Variants in RNF11 observed in about 807,000 individuals in gnomAD.
RNF11 encodes the protein ring finger protein 11.
RNF11 carries 4 observed loss-of-function variants against 15.8 expected under a neutral mutation model. The ratio of observed to expected loss-of-function variants is 0.25; its 90% CI spans 0.12 to 0.58. The LOEUF is 0.58. RNF11 is among the 20% of genes least tolerant of loss of function. The probability of loss-of-function intolerance (pLI) is 0.91; values close to 1 mark genes in which losing one functional copy is unlikely to be tolerated. For missense variants in RNF11, 139 were observed against 194.4 expected (o/e 0.71, Z 1.70); for synonymous variants, 68 against 72.3 (o/e 0.94, Z 0.30).
chr1:51,249,184 G>A (rs1646866234), intron 1 of RNF11, among the ~76,000 whole-genome samples: 1 of 151,746 alleles, frequency 6.6e-6, no homozygotes, highest in African/African-American at 2.4e-5. Flanking sequence ...GTAAAAGTAT[G>A]TGTGTGTAAA....
intron 1 of RNF11, among the ~76,000 whole-genome samples, chr1:51,254,849 T>C (rs538865289): frequency 2.4e-4 from 37 of 152,338 alleles, no homozygotes; most frequent in African/African-American, 8.9e-4. Flanking sequence ...CTTAAAGTGC[T>C]GGGATTACAG....
chr1:51,259,850 T>G (rs773685150), intron 1 of RNF11, among the ~76,000 whole-genome samples: 15 of 152,234 alleles, frequency 9.9e-5, no homozygotes, highest in Non-Finnish European at 2.2e-4. Context: ...AAATAGCGTA[T>G]GTAGGAGAAG....
intron 1 of RNF11, among the ~76,000 whole-genome samples, chr1:51,259,693 CA>C (rs1333475706): frequency 6.6e-6 from 1 of 152,150 alleles, no homozygotes; most frequent in Non-Finnish European, 1.5e-5. Flanking sequence ...ACCACTGGAA[CA>C]AATCTTTTTA....
chr1:51,241,414 TA>T (rs1646828731), intron 1 of RNF11, among the ~76,000 whole-genome samples: 1 of 152,336 alleles, frequency 6.6e-6, no homozygotes, highest in African/African-American at 2.4e-5. Context: ...TAGCTGGGAC[TA>T]CAGGGTTACA....
chr1:51,239,640 T>C (rs1232721632), intron 1 of RNF11, among the ~76,000 whole-genome samples: 1 of 152,200 alleles, frequency 6.6e-6, no homozygotes, highest in Non-Finnish European at 1.5e-5. Context: ...AGCCTCAAAC[T>C]CCTGGCTTCA....
chr1:51,250,879 C>T, intron 1 of RNF11: 6 of 1,058,122 alleles, frequency 5.7e-6, no homozygotes, highest in Non-Finnish European at 8.6e-6. Flanking sequence ...ATGCCAGTGC[C>T]CCTGGGTACA....
At chr1:51,247,200 G>A (rs984403425) in intron 1 of RNF11, among the ~76,000 whole-genome samples, 2 of 151,974 alleles carry the variant, frequency 1.3e-5, no homozygotes, top group African/African-American at 4.8e-5. Context: ...GATAGCCACA[G>A]TGTGTAGTTA....
At chr1:51,255,757 T>C (rs78413201) in intron 1 of RNF11, among the ~76,000 whole-genome samples, 3,206 of 152,344 alleles carry the variant, frequency 0.021, 95 homozygotes, top group African/African-American at 0.065. Context: ...ATTATCTTGG[T>C]ATTCTTGCCA....
Position 51,272,612 on chromosome 1 carries a change from A to C in RNF11, c.*1290A>C, listed in dbSNP as rs907789423. 2 of 152,436 alleles carry C rather than the reference A, an allele frequency of 1.3e-5. No individual in the cohort carries two copies. The highest frequency in any genetic ancestry group is 2.9e-5 in the Non-Finnish European group (2 of 68,008). The allele number at this position is 152,436 out of a possible 1,614,324, so 9.4% of individuals were successfully genotyped here. Reference sequence around the variant, plus strand: ...AGCTTCTGAAGTGTTAGAGGTAGAGATGGTCTAGTAAAGATGTAGTAGTAA... The same window carrying C: ...AGCTTCTGAAGTGTTAGAGGTAGAGCTGGTCTAGTAAAGATGTAGTAGTAA... On this transcript the variant is annotated 3_prime_UTR_variant, in exon 3 of 3. Coordinates refer to ENST00000242719, the MANE Select transcript of RNF11 (RefSeq NM_014372.5).
At chr1:51,251,441 C>T (rs1314963864) in intron 1 of RNF11, 17 of 712,452 alleles carry the variant, frequency 2.4e-5, no homozygotes, top group East Asian at 3.0e-5. Context: ...GGCCTCCGGG[C>T]CCCCCCCCGC....
intron 1 of RNF11, among the ~76,000 whole-genome samples, chr1:51,253,897 G>A (rs1646892368): frequency 6.6e-6 from 1 of 152,002 alleles, no homozygotes; most frequent in African/African-American, 2.4e-5. Flanking sequence ...ACTTTGGGAT[G>A]TGGAGGCGGG....
intron 1 of RNF11, chr1:51,250,516 G>A (rs1646872382): frequency 3.7e-6 from 2 of 545,496 alleles, no homozygotes; most frequent in Admixed American, 3.5e-5. Context: ...GTTTACACAA[G>A]TATGTTGGAA....
chr1:51,257,355 G>C (rs915466175), intron 1 of RNF11, among the ~76,000 whole-genome samples: 1 of 152,212 alleles, frequency 6.6e-6, no homozygotes, highest in Non-Finnish European at 1.5e-5. Flanking sequence ...GTGAGGACCT[G>C]GTAGAGGTTT....
At chr1:51,251,477 T>G (rs1025560818) in intron 1 of RNF11, 1 of 618,786 alleles carries the variant, frequency 1.6e-6, no homozygotes, top group Non-Finnish European at 2.8e-6. Flanking sequence ...CACCATTTGG[T>G]GTTTTCTCGG....
chr1:51,247,485 T>C (rs1482730531), intron 1 of RNF11, among the ~76,000 whole-genome samples: 4 of 151,718 alleles, frequency 2.6e-5, no homozygotes, highest in Non-Finnish European at 4.4e-5. Flanking sequence ...AGTGTCTCAT[T>C]ATGTTGGCCA....
At chr1:51,257,504 G>A (rs931509184) in intron 1 of RNF11, among the ~76,000 whole-genome samples, 27 of 152,032 alleles carry the variant, frequency 1.8e-4, no homozygotes, top group African/African-American at 5.1e-4. Context: ...GACCAGAATG[G>A]AATACAATGG....
At chr1:51,251,441 C>CG (rs1646877837) in intron 1 of RNF11, 3 of 712,452 alleles carry the variant, frequency 4.2e-6, no homozygotes, top group Non-Finnish European at 6.6e-6. Context: ...GGCCTCCGGG[C>CG]CCCCCCCCGC....
intron 1 of RNF11, among the ~76,000 whole-genome samples, chr1:51,242,799 C>T (rs148665713): frequency 6.6e-6 from 1 of 152,114 alleles, no homozygotes; most frequent in East Asian, 1.9e-4. Context: ...TGATAACTTA[C>T]GAAGTTAAAT....
chr1:51,265,489 C>T (rs1400121376), intron 1 of RNF11, among the ~76,000 whole-genome samples: 2 of 152,236 alleles, frequency 1.3e-5, no homozygotes, highest in African/African-American at 2.4e-5. Context: ...CAGATGATTT[C>T]CTTTGGATTC....
Sources: gnomAD v4.1 joint callset for allele counts (sites outside exome capture counted in the v4.1 genomes callset) on GRCh38, gnomAD v4.1.1 for gene constraint, MANE v1.5 for transcripts, NCBI Gene and HGNC (gene_info 2026-07-23, HGNC 2026-07-21) for gene names.